The following SH2D3C variants were observed in gnomAD, a reference collection of about 807,000 sequenced individuals.
SH2D3C encodes SH2 domain containing 3C, also known as SH2 domain-containing protein 3C.
SH2D3C carries 25 observed loss-of-function variants against 75.2 expected under a neutral mutation model. The ratio of observed to expected loss-of-function variants is 0.33; its 90% CI spans 0.24 to 0.46. SH2D3C has a LOEUF of 0.46. Among genes scored for constraint, SH2D3C ranks in the 20% least tolerant of loss-of-function variants. The probability of loss-of-function intolerance (pLI) is 1.00; values close to 1 mark genes in which losing one functional copy is unlikely to be tolerated. For missense variants in SH2D3C, 933 were observed against 1,165.3 expected, an observed-to-expected ratio of 0.80 and a Z score of 2.90; for synonymous variants, 450 against 473.7, an observed-to-expected ratio of 0.95 and a Z score of 0.65.
In SH2D3C at chr9:127,751,470, A is replaced by G. The variant is rs1303404934; in HGVS notation, c.556-170T>C. ...TCCCAGAAAGAGTAAAGAAATCTCAATTCCTTCCACAAAACAATGCCAGCT... is the reference window on the plus strand; with the variant it reads ...TCCCAGAAAGAGTAAAGAAATCTCAGTTCCTTCCACAAAACAATGCCAGCT... On this transcript the variant is annotated intron_variant, in intron 3 of 11. Coordinates refer to ENST00000314830, the MANE Select transcript of SH2D3C (RefSeq NM_170600.3). The surrounding 1 kb of genome is among the most constrained non-coding windows in gnomAD (Gnocchi z 4.1). 1.3e-5 allele frequency among the ~76,000 whole-genome samples: 2 copies of G among 152,256 alleles called. No individual in the cohort carries two copies. The highest frequency in any genetic ancestry group is 2.9e-5 in the Non-Finnish European group (2 of 68,056).
At chr9:127,743,279 G>A (rs1844921205) in intron 7 of SH2D3C, among the ~76,000 whole-genome samples, 1 of 152,230 alleles carries the variant, frequency 6.6e-6, no homozygotes, top group Non-Finnish European at 1.5e-5. Flanking sequence ...AAGGTGGGCG[G>A]ATCGCCTGAG....
At chr9:127,743,339 C>A (rs1052326725) in intron 7 of SH2D3C, among the ~76,000 whole-genome samples, 7 of 152,114 alleles carry the variant, frequency 4.6e-5, no homozygotes, top group African/African-American at 1.7e-4. Context: ...CCCATCTCTA[C>A]CAAAAATTCA....
In SH2D3C at chr9:127,739,166, T is replaced by TTC. The variant is rs1844772658; in HGVS notation, c.2408-246_2408-245insGA. On this transcript the variant is annotated intron_variant, in intron 11 of 11. Coordinates refer to ENST00000314830, the MANE Select transcript of SH2D3C (RefSeq NM_170600.3). The surrounding 1 kb of genome is among the most constrained non-coding windows in gnomAD (Gnocchi z 4.3). Reference sequence around the variant, plus strand: ...TTTGCAGATTTTTGGTGATTTTTTTTCTTTTTTCGTATTTTTCTGTTAAGT... The same window carrying TTC: ...TTTGCAGATTTTTGGTGATTTTTTTTTCCTTTTTTCGTATTTTTCTGTTAAGT... Among the ~76,000 whole-genome samples, 1 of 152,088 alleles carries TTC rather than the reference T, an allele frequency of 6.6e-6. No homozygotes were observed. Among genetic ancestry groups the TTC allele is most frequent in the South Asian group, 2.1e-4 (1 of 4,824 alleles).
rs1439695191 is a variant in SH2D3C, at chr9:127,738,397, A to G, written c.*349T>C. Reference sequence around the variant, plus strand: ...ATTTACAGAACAGAGACTTATTTACAGTGAGATGGAGGCCTTGGTGTTGGT... The same window carrying G: ...ATTTACAGAACAGAGACTTATTTACGGTGAGATGGAGGCCTTGGTGTTGGT... On this transcript the variant is annotated 3_prime_UTR_variant, in exon 12 of 12. Transcript: ENST00000314830. The surrounding 1 kb of genome is among the most constrained non-coding windows in gnomAD (Gnocchi z 5.0). The G allele has an allele frequency of 5.1e-6, 1 of 194,494 alleles. No individual in the cohort carries two copies. Among genetic ancestry groups the G allele is most frequent in the Non-Finnish European group, 1.0e-5 (1 of 95,906 alleles). The allele number at this position is 194,494 out of a possible 1,614,324, so 12.0% of individuals were successfully genotyped here.
At chr9:127,766,215 G>GCCTGTCTGCTCTCTCTC (rs1409255766) in intron 2 of SH2D3C, among the ~76,000 whole-genome samples, 1 of 152,158 alleles carries the variant, frequency 6.6e-6, no homozygotes, top group Non-Finnish European at 1.5e-5. Flanking sequence ...CTCTGCATAG[G>GCCTGTCTGCTCTCTCTC]CCTGTCTGCT....
rs1163641147 is a variant in SH2D3C, at chr9:127,754,250, G to C, written c.556-2950C>G. 6.6e-6 allele frequency among the ~76,000 whole-genome samples: 1 copy of C among 152,168 alleles called. No individual in the cohort carries two copies. The highest frequency in any genetic ancestry group is 2.4e-5 in the African/African-American group (1 of 41,440). ...GCTGCGCTCCGCCGCCGGCGGGGCA[G>C]TCCTTCAGGCGGGCTCCGCGAGCGT... On this transcript the variant is annotated intron_variant, in intron 3 of 11. Coordinates refer to ENST00000314830, the MANE Select transcript of SH2D3C (RefSeq NM_170600.3). This position sits in a 1 kb window ranked among gnomAD's most constrained non-coding sequence, Gnocchi z 4.4.
rs1053198978 is a variant in SH2D3C, at chr9:127,739,280, C to T, written c.2408-359G>A. ...ATCCCAGCACTTTGGGAGGCCAAGG[C>T]GGGTGGATCACCTGAGGTCAGGAGT... On this transcript the variant is annotated intron_variant, in intron 11 of 11. Transcript: ENST00000314830. The surrounding 1 kb of genome is among the most constrained non-coding windows in gnomAD (Gnocchi z 4.3). Among the ~76,000 whole-genome samples the T allele has an allele frequency of 2.0e-4, 30 of 151,896 alleles. No individual in the cohort carries two copies. The highest frequency in any genetic ancestry group is 5.6e-4 in the African/African-American group (23 of 41,334).
Position 127,739,622 on chromosome 9 carries a change from T to C in SH2D3C, c.2407+60A>G. 1 of 1,468,448 alleles carries C rather than the reference T, an allele frequency of 6.8e-7. No individual in the cohort carries two copies. Among genetic ancestry groups the C allele is most frequent in the Non-Finnish European group, 9.3e-7 (1 of 1,071,046 alleles). 91.0% of individuals were successfully genotyped at this position (1,468,448 alleles called of 1,614,324 possible). A position where few individuals can be genotyped will look rare whatever the true frequency, so the allele number is the denominator to read the frequency against. On this transcript the variant is annotated intron_variant, in intron 11 of 11. Coordinates refer to ENST00000314830, the MANE Select transcript of SH2D3C (RefSeq NM_170600.3). The surrounding 1 kb of genome is among the most constrained non-coding windows in gnomAD (Gnocchi z 4.3). ...GATGCCTTGGAGAAAAGGGAAGCAGTGAGGCAGGTGGAGGGAGGCCCAGGC... is the reference window on the plus strand; with the variant it reads ...GATGCCTTGGAGAAAAGGGAAGCAGCGAGGCAGGTGGAGGGAGGCCCAGGC...
In SH2D3C at chr9:127,744,570, G is replaced by A. The variant is rs764269037; in HGVS notation, c.1794C>T (p.Asp598=). 31 of 1,605,828 alleles carry A rather than the reference G, an allele frequency of 1.9e-5. No individual in the cohort carries two copies. Residue 598 remains aspartate (D), a synonymous_variant, in exon 7 of 12, where the codon GAC becomes GAT. Transcript: ENST00000314830. ...GTGCACAGCCAGCACCTACCAGGCAGTCCACCTTGGTGACATGCCGGGCCA... is the reference window on the plus strand; with the variant it reads ...GTGCACAGCCAGCACCTACCAGGCAATCCACCTTGGTGACATGCCGGGCCA... The part of the protein sequence containing the change: ...RTLARHVTKV[D]CLVARILGVT...
chr9:127,776,240 C>G (rs768411790), intron 1 of SH2D3C, among the ~76,000 whole-genome samples: 3 of 152,098 alleles, frequency 2.0e-5, no homozygotes, highest in Non-Finnish European at 4.4e-5. Flanking sequence ...TTTCCAGATG[C>G]GAAAATTGAG....
chr9:127,776,107 G>C (rs1356619788), intron 1 of SH2D3C, among the ~76,000 whole-genome samples: 1 of 152,084 alleles, frequency 6.6e-6, no homozygotes, highest in African/African-American at 2.4e-5. Context: ...GGGATTACAG[G>C]GGTAAGACAC....
At chr9:127,767,462 C>G (rs759238619) in intron 2 of SH2D3C, 5 of 268,254 alleles carry the variant, frequency 1.9e-5, no homozygotes, top group Non-Finnish European at 2.9e-5. Flanking sequence ...CATGGGCGGA[C>G]TCCCCCAGAC....
intron 5 of SH2D3C, among the ~76,000 whole-genome samples, chr9:127,747,895 A>G (rs1845081572): frequency 6.6e-6 from 1 of 151,632 alleles, no homozygotes; most frequent in African/African-American, 2.4e-5. Flanking sequence ...CTCCTTTCCT[A>G]TCCAGCTTCC....
At chr9:127,773,933 A>T in intron 2 of SH2D3C, 57 bp downstream of exon 2, 2 of 1,047,376 alleles carry the variant, frequency 1.9e-6, no homozygotes, top group Non-Finnish European at 2.8e-6. Context: ...AAAAAAAAAG[A>T]AAAAGAAAAA....
At chr9:127,743,317 A>G (rs1431130105) in intron 7 of SH2D3C, among the ~76,000 whole-genome samples, 2 of 152,224 alleles carry the variant, frequency 1.3e-5, no homozygotes, top group Non-Finnish European at 1.5e-5. Context: ...AGCCTGGCCA[A>G]CATGGCGAAA....
rs1359759642 is a variant in SH2D3C, at chr9:127,739,902, G to C, written c.2201-14C>G. ...GCGGCGGGCCTTCTGCAAGGAGAAAGGCAGCAGGCGCTTAAAGATCCTGTA... is the reference window on the plus strand; with the variant it reads ...GCGGCGGGCCTTCTGCAAGGAGAAACGCAGCAGGCGCTTAAAGATCCTGTA... On this transcript the variant is annotated splice_polypyrimidine_tract_variant and intron_variant, in intron 10 of 11. Transcript: ENST00000314830. The surrounding 1 kb of genome is among the most constrained non-coding windows in gnomAD (Gnocchi z 4.3). 2.0e-6 allele frequency: 3 copies of C among 1,504,276 alleles called. No homozygotes were observed. Among genetic ancestry groups the C allele is most frequent in the Non-Finnish European group, 2.7e-6 (3 of 1,119,028 alleles). The allele number at this position is 1,504,276 out of a possible 1,614,324, so 93.2% of individuals were successfully genotyped here.
In SH2D3C at chr9:127,744,944, T is replaced by A. The variant is rs766004467; in HGVS notation, c.1420A>T (p.Thr474Ser). ...DKGPHTSPSH[T>S]LGKASPSPSL... ...GGTGACGGGGAGGCCTTGCCAAGGG[T>A]GTGGGAGGGGCTGGTGTGGGGGCCC... The change falls in exon 7 of 12, where the codon ACC becomes TCC. Residue 474 changes from threonine (T) to serine (S), a missense_variant. By Grantham distance (58) the Thr-to-Ser change is moderately conservative (BLOSUM62 1). Coordinates refer to ENST00000314830, the MANE Select transcript of SH2D3C (RefSeq NM_170600.3). 13 of 1,579,052 alleles carry A rather than the reference T, an allele frequency of 8.2e-6. 1 individual carries two copies. In the Admixed American group the frequency reaches 2.3e-4, roughly 28 times the overall value.
chr9:127,759,627 T>A (rs917327698), intron 3 of SH2D3C, among the ~76,000 whole-genome samples: 6 of 152,228 alleles, frequency 3.9e-5, no homozygotes, highest in African/African-American at 1.4e-4. Flanking sequence ...GGCAGGAGGA[T>A]CACTTGAGGC....
rs976085525 is a variant in SH2D3C at position 127,754,690 on chromosome 9, C to A, written c.556-3390G>T. The A allele has an allele frequency of 6.0e-6, 2 of 334,192 alleles. No individual in the cohort carries two copies. Among genetic ancestry groups the A allele is most frequent in the Non-Finnish European group, 1.3e-5 (2 of 152,728 alleles). 20.7% of individuals were successfully genotyped at this position (334,192 alleles called of 1,614,324 possible). On this transcript the variant is annotated intron_variant, in intron 3 of 11. Transcript: ENST00000314830. The surrounding 1 kb of genome is among the most constrained non-coding windows in gnomAD (Gnocchi z 4.4). ...TCAGTCTTCAGATCCCAGTCCGGCGCCCCCGGTACAATGGGGAGCCAGGGT... is the reference window on the plus strand; with the variant it reads ...TCAGTCTTCAGATCCCAGTCCGGCGACCCCGGTACAATGGGGAGCCAGGGT...
Sources: allele counts gnomAD v4.1 joint callset (sites outside exome capture counted in the v4.1 genomes callset), GRCh38; gene constraint gnomAD v4.1.1; non-coding constraint Gnocchi (gnomAD v3.1); transcripts MANE v1.5; gene names NCBI Gene and HGNC (gene_info 2026-07-23, HGNC 2026-07-21).